LCP2: variants seen among roughly 807,000 people sequenced by gnomAD.
LCP2 encodes 76 kDa tyrosine phosphoprotein.
LCP2 carries 29 observed loss-of-function variants against 74.5 expected under a neutral mutation model. The observed-to-expected ratio is 0.39, with a 90% CI of 0.29 to 0.53. The LOEUF (loss-of-function observed/expected upper bound fraction) is 0.53, where lower values mean the gene tolerates loss of function less well. LCP2 is among the 20% of genes least tolerant of loss of function. LCP2 has a pLI of 0.72. For synonymous variants in LCP2, 228 were observed against 229.5 expected, an observed-to-expected ratio of 0.99 and a Z score of 0.06; for missense variants, 604 against 634.6, an observed-to-expected ratio of 0.95 and a Z score of 0.52.
chr5:170,246,302 G>C lies in LCP2; in HGVS notation c.*2395C>G. Reference sequence around the variant, plus strand: ...CTTACGTCACTAATGGCAAGTGTATGACATAGGAAATTGGCCATGGGTCAC... The same window carrying C: ...CTTACGTCACTAATGGCAAGTGTATCACATAGGAAATTGGCCATGGGTCAC... On this transcript the variant is annotated 3_prime_UTR_variant, in exon 21 of 21. Transcript: ENST00000046794. 1 of 480,316 alleles carries C rather than the reference G, an allele frequency of 2.1e-6. No individual in the cohort carries two copies. 29.8% of individuals were successfully genotyped at this position (480,316 alleles called of 1,614,324 possible).
At chr5:170,248,912 T>C (rs1046218783) in intron 20 of LCP2, 93 bp from the exon 21 acceptor site, 12 of 1,238,200 alleles carry the variant, frequency 9.7e-6, no homozygotes, top group African/African-American at 1.5e-5. Flanking sequence ...ATATGCTGCC[T>C]CTTCAAGTGA....
intron 3 of LCP2, among the ~76,000 whole-genome samples, chr5:170,277,141 C>T (rs917057888): frequency 2.6e-5 from 4 of 151,786 alleles, no homozygotes; most frequent in African/African-American, 9.7e-5. Flanking sequence ...TAAAGGCCAC[C>T]CCTTTTCCCA....
intron 3 of LCP2, among the ~76,000 whole-genome samples, chr5:170,278,325 G>C (rs998581001): frequency 2.3e-5 from 2 of 87,980 alleles, no homozygotes; most frequent in Admixed American, 1.1e-4. Flanking sequence ...GGGGGGCTGG[G>C]GAGGGGGATG....
chr5:170,266,760 A>G (rs1200478656), intron 10 of LCP2, 48 bp downstream of exon 10: 2 of 1,506,358 alleles, frequency 1.3e-6, no homozygotes, highest in Admixed American at 1.7e-5. Flanking sequence ...GAAGCACTTT[A>G]TAACAGCTTA....
rs1761988049 is a variant in LCP2 at position 170,275,306 on chromosome 5, C to G, written c.286+14G>C. On this transcript the variant is annotated intron_variant, in intron 5 of 20. Transcript: ENST00000046794. ...CCTCCTAAAGCAATCACCTCTGAGC[C>G]CTGAGAGCTTTACCTGTCTCTTCAG... The G allele has an allele frequency of 1.2e-6, 2 of 1,613,988 alleles. No individual in the cohort carries two copies. The highest frequency in any genetic ancestry group is 1.7e-6 in the Non-Finnish European group (2 of 1,179,868).
At chr5:170,275,639 A>T in intron 4 of LCP2, 156 bp downstream of exon 4, 1 of 698,626 alleles carries the variant, frequency 1.4e-6, no homozygotes, top group Non-Finnish European at 2.5e-6. Context: ...CAGGGGAGGG[A>T]ACCCCTTCCC....
intron 3 of LCP2, among the ~76,000 whole-genome samples, chr5:170,277,862 G>C (rs1762033202): frequency 6.6e-6 from 1 of 152,074 alleles, no homozygotes. Flanking sequence ...AAGGAGGAAG[G>C]GGAGGGAAAG....
At chr5:170,251,955 C>A in intron 19 of LCP2, 1 of 246,480 alleles carries the variant, frequency 4.1e-6, no homozygotes, top group South Asian at 4.6e-5. Context: ...GCACTGGCTA[C>A]GGGAAATATG....
At chr5:170,258,003 T>C (rs41315932) in intron 16 of LCP2, 34 bp downstream of exon 16, 3 of 1,608,914 alleles carry the variant, frequency 1.9e-6, no homozygotes, top group Non-Finnish European at 2.6e-6. Flanking sequence ...CTAAACATTA[T>C]ATTAAGCTAG....
chr5:170,258,892 G>GAA lies in LCP2; in HGVS notation c.958-16_958-15dup. 5 of 1,528,966 alleles carry GAA rather than the reference G, an allele frequency of 3.3e-6. No individual in the cohort carries two copies. Among genetic ancestry groups the GAA allele is most frequent in the South Asian group, 1.2e-5 (1 of 83,636 alleles). 94.7% of individuals were successfully genotyped at this position (1,528,966 alleles called of 1,614,324 possible). A position where few individuals can be genotyped will look rare whatever the true frequency, so the allele number is the denominator to read the frequency against. Reference sequence around the variant, plus strand: ...ATCATCTTCATCCTGGGAAGGGGAAGAAAAAAAAAGATATTAAGCTATCAT... The same window carrying GAA: ...ATCATCTTCATCCTGGGAAGGGGAAGAAAAAAAAAAAGATATTAAGCTATCAT... On this transcript the variant is annotated splice_polypyrimidine_tract_variant and intron_variant, in intron 14 of 20. Coordinates refer to ENST00000046794, the MANE Select transcript of LCP2 (RefSeq NM_005565.5).
chr5:170,258,965 T>C lies in LCP2; in HGVS notation c.958-87A>G, dbSNP rs1761608251. On this transcript the variant is annotated intron_variant, in intron 14 of 20. Coordinates refer to ENST00000046794, the MANE Select transcript of LCP2 (RefSeq NM_005565.5). Reference sequence around the variant, plus strand: ...AAACTGCATTTCTCAATCAAATAAATCAAATAGGTATCTGTTTCTTTCTCT... The same window carrying C: ...AAACTGCATTTCTCAATCAAATAAACCAAATAGGTATCTGTTTCTTTCTCT... 42 of 842,126 alleles carry C rather than the reference T, an allele frequency of 5.0e-5. No individual in the cohort carries two copies. The South Asian group carries it at 5.7e-4, about 11-fold the overall frequency. The allele number at this position is 842,126 out of a possible 1,614,324, so 52.2% of individuals were successfully genotyped here.
chr5:170,277,916 T>C (rs1185190711), intron 3 of LCP2, among the ~76,000 whole-genome samples: 1 of 151,948 alleles, frequency 6.6e-6, no homozygotes, highest in Non-Finnish European at 1.5e-5. Context: ...CAGGCTTTTG[T>C]GACTGGGCAG....
At chr5:170,291,385 G>A (rs932711647) in intron 2 of LCP2, among the ~76,000 whole-genome samples, 1 of 152,168 alleles carries the variant, frequency 6.6e-6, no homozygotes, top group Non-Finnish European at 1.5e-5. Context: ...AGGGGTGGAG[G>A]GTGGGTTTCA....
chr5:170,271,718 G>A (rs1761899634), intron 6 of LCP2, among the ~76,000 whole-genome samples: 1 of 152,050 alleles, frequency 6.6e-6, no homozygotes, highest in South Asian at 2.1e-4. Flanking sequence ...ATCAGCAGCA[G>A]TGATGAGCGC....
chr5:170,293,394 G>A (rs1392189336), intron 1 of LCP2, 22 bp from the exon 2 acceptor site: 37 of 1,574,364 alleles, frequency 2.4e-5, no homozygotes, highest in Non-Finnish European at 3.1e-5. Context: ...AGGGGAAGGT[G>A]TTGTTAGTGA....
At chr5:170,252,185 T>C in intron 19 of LCP2, 1 of 314,910 alleles carries the variant, frequency 3.2e-6, no homozygotes, top group Non-Finnish European at 6.0e-6. Flanking sequence ...ATTAATAAAA[T>C]CTCCTAAGAT....
rs1761657326 is a variant in LCP2, at chr5:170,261,674, AG to A, written c.927-538del. On this transcript the variant is annotated intron_variant, in intron 13 of 20. Coordinates refer to ENST00000046794, the MANE Select transcript of LCP2 (RefSeq NM_005565.5). ...TGTTGCTGCTTTGGGACTATTCCAA[AG>A]GGGGCTTGGTACACTTTGCCCAGAT... 4.6e-5 allele frequency among the ~76,000 whole-genome samples: 7 copies of A among 152,300 alleles called. No homozygotes were observed. In the South Asian group the frequency reaches 1.5e-3, roughly 32 times the overall value.
rs1314398932 is a variant in LCP2, at chr5:170,246,649, A to C, written c.*2048T>G. The C allele has an allele frequency of 6.5e-6, 1 of 152,938 alleles. No homozygotes were observed. Among genetic ancestry groups the C allele is most frequent in the Admixed American group, 6.5e-5 (1 of 15,372 alleles). The allele number at this position is 152,938 out of a possible 1,614,324, so 9.5% of individuals were successfully genotyped here. A position where few individuals can be genotyped will look rare whatever the true frequency, so the allele number is the denominator to read the frequency against. On this transcript the variant is annotated 3_prime_UTR_variant, in exon 21 of 21. Coordinates refer to ENST00000046794, the MANE Select transcript of LCP2 (RefSeq NM_005565.5). ...CAGCAGGCAGCTCCAAGTGTACAGC[A>C]TTGCCTTTGGGGACCCCAGATAAAA... is the stretch of plus-strand genomic sequence containing the variant.
In LCP2 at chr5:170,248,393, A is replaced by T. The variant is rs1761347543; in HGVS notation, c.*304T>A. On this transcript the variant is annotated 3_prime_UTR_variant, in exon 21 of 21. Coordinates refer to ENST00000046794, the MANE Select transcript of LCP2 (RefSeq NM_005565.5). The stretch of plus-strand genomic sequence containing the variant: ...CCCCAAATTGTTTCTGTAGCTGTGT[A>T]AACTACTGTATTTTGAAATGGGCAT... The T allele has an allele frequency of 3.9e-6, 1 of 256,762 alleles. No individual in the cohort carries two copies. The highest frequency in any genetic ancestry group is 2.4e-5 in the African/African-American group (1 of 42,378). 15.9% of individuals were successfully genotyped at this position (256,762 alleles called of 1,614,324 possible). A position where few individuals can be genotyped will look rare whatever the true frequency, so the allele number is the denominator to read the frequency against.
Sources: gnomAD v4.1 joint callset for allele counts (sites outside exome capture counted in the v4.1 genomes callset) on GRCh38, gnomAD v4.1.1 for gene constraint, MANE v1.5 for transcripts, NCBI Gene and HGNC (gene_info 2026-07-23, HGNC 2026-07-21) for gene names.